The following TESMIN variants were observed in gnomAD, a reference collection of about 807,000 sequenced individuals.
TESMIN encodes CXC domain containing 2.
In TESMIN, 34 loss-of-function variants were observed where a neutral mutation model predicts 47.4. The ratio of observed to expected loss-of-function variants is 0.72; its 90% CI spans 0.55 to 0.96. TESMIN has a LOEUF of 0.96. Among genes scored for constraint, TESMIN ranks in the 40% least tolerant of loss-of-function variants. TESMIN has a pLI of 0.00. For missense variants in TESMIN, 610 were observed against 637.2 expected (o/e 0.96, Z 0.46); for synonymous variants, 278 against 258.9 (o/e 1.07, Z -0.71).
At chr11:68,737,172 G>A (rs1946397003) in intron 6 of TESMIN, 2 of 985,266 alleles carry the variant, frequency 2.0e-6, no homozygotes, top group South Asian at 4.7e-5. Context: ...GTCCAGAAAT[G>A]TTAACAGCCA....
chr11:68,726,753 A>G (rs1946268657), intron 6 of TESMIN, among the ~76,000 whole-genome samples: 1 of 151,704 alleles, frequency 6.6e-6, no homozygotes, highest in Non-Finnish European at 1.5e-5. Flanking sequence ...TGAAGAAACA[A>G]TATCACAGAC....
chr11:68,709,535 G>C (rs1389857328), intron 9 of TESMIN, among the ~76,000 whole-genome samples: 6 of 152,192 alleles, frequency 3.9e-5, no homozygotes, highest in Admixed American at 2.0e-4. Context: ...TGAGCTCAGG[G>C]GGCAACTGTG....
chr11:68,706,521 G>A (rs556961630), downstream of TESMIN, among the ~76,000 whole-genome samples: 1 of 152,348 alleles, frequency 6.6e-6, no homozygotes, highest in South Asian at 2.1e-4. Context: ...TGCCTCAGGA[G>A]AATGCTGGAG....
chr11:68,744,525 T>C (rs1490673388), intron 4 of TESMIN, among the ~76,000 whole-genome samples: 1 of 152,256 alleles, frequency 6.6e-6, no homozygotes, highest in African/African-American at 2.4e-5. Context: ...ACAAATCCTT[T>C]GTTATTTCAG....
chr11:68,708,149 G>T lies in TESMIN; in HGVS notation c.*159C>A. 1 of 667,980 alleles carries T rather than the reference G, an allele frequency of 1.5e-6. No individual in the cohort carries two copies. The highest frequency in any genetic ancestry group is 2.5e-6 in the Non-Finnish European group (1 of 395,726). 41.4% of individuals were successfully genotyped at this position (667,980 alleles called of 1,614,324 possible). A position where few individuals can be genotyped will look rare whatever the true frequency, so the allele number is the denominator to read the frequency against. On this transcript the variant is annotated 3_prime_UTR_variant, in exon 10 of 10. Coordinates refer to ENST00000255087, the MANE Select transcript of TESMIN (RefSeq NM_004923.3). ...CTCCTCAGAAAAGGGGGCATGGGTT[G>T]CCACATCTTCAGAGAGCTCTGAGTA...
chr11:68,743,622 T>G (rs991405012), intron 4 of TESMIN, among the ~76,000 whole-genome samples: 4 of 152,174 alleles, frequency 2.6e-5, no homozygotes, highest in Non-Finnish European at 5.9e-5. Flanking sequence ...TACTAAGCTA[T>G]TTAGACTAAA....
intron 2 of TESMIN, 97 bp downstream of exon 2, chr11:68,750,093 T>C (rs1946570905): frequency 9.6e-7 from 1 of 1,038,958 alleles, no homozygotes. Context: ...CCAGGGAAAA[T>C]GCTTGTAGAG....
chr11:68,746,930 C>T (rs1354041735), intron 3 of TESMIN, among the ~76,000 whole-genome samples: 1 of 152,190 alleles, frequency 6.6e-6, no homozygotes, highest in Non-Finnish European at 1.5e-5. Flanking sequence ...TCCCTGACCC[C>T]AGCACTGCAC....
chr11:68,710,727 G>T, intron 9 of TESMIN, 147 bp downstream of exon 9: 2 of 726,204 alleles, frequency 2.8e-6, no homozygotes, highest in Non-Finnish European at 2.2e-6. Flanking sequence ...TTAGCCCATG[G>T]AGGGAGGAAC....
chr11:68,713,458 C>A, intron 7 of TESMIN, 51 bp from the exon 8 acceptor site: 1 of 1,599,990 alleles, frequency 6.3e-7, no homozygotes. Flanking sequence ...ATTTAAAACT[C>A]AGCTCAATGA....
chr11:68,723,242 C>A (rs1172485006), intron 6 of TESMIN, among the ~76,000 whole-genome samples: 3 of 151,314 alleles, frequency 2.0e-5, no homozygotes, highest in African/African-American at 7.3e-5. Flanking sequence ...ACTAAAATAT[C>A]ATTTAAAAAT....
At chr11:68,732,509 C>T (rs937641369) in intron 6 of TESMIN, 1 of 153,300 alleles carries the variant, frequency 6.5e-6, no homozygotes, top group Non-Finnish European at 1.5e-5. Flanking sequence ...GAGCCCACCA[C>T]CCTGCACAGC....
intron 3 of TESMIN, among the ~76,000 whole-genome samples, chr11:68,746,445 C>T (rs1298347823): frequency 6.6e-6 from 1 of 152,244 alleles, no homozygotes; most frequent in Non-Finnish European, 1.5e-5. Context: ...CTAAACCAAA[C>T]TCATGACAGG....
At chr11:68,713,953 A>T (rs542203906) in intron 7 of TESMIN, among the ~76,000 whole-genome samples, 1 of 152,222 alleles carries the variant, frequency 6.6e-6, no homozygotes. Context: ...ATCCTGATTC[A>T]AAGTCCCTGT....
rs201155305 is a variant in TESMIN, at chr11:68,737,749, TAAA to T, written c.917+948_917+950del. 7.5e-4 allele frequency: 656 copies of T among 875,930 alleles called. 6 individuals are homozygous for T. The African/African-American group carries it at 0.011, about 15-fold the overall frequency. 54.3% of individuals were successfully genotyped at this position (875,930 alleles called of 1,614,324 possible). A position where few individuals can be genotyped will look rare whatever the true frequency, so the allele number is the denominator to read the frequency against. On this transcript the variant is annotated intron_variant, in intron 6 of 9. Transcript: ENST00000255087. ...CAACATGGTAAAACCCAGTCTCTACTAAAAAATACAAAAATTAGCCTGGTATAG... is the reference window on the plus strand; with the variant it reads ...CAACATGGTAAAACCCAGTCTCTACTAAATACAAAAATTAGCCTGGTATAG...
At chr11:68,714,594 G>A (rs1342972146) in intron 7 of TESMIN, among the ~76,000 whole-genome samples, 2 of 152,194 alleles carry the variant, frequency 1.3e-5, no homozygotes, top group African/African-American at 2.4e-5. Context: ...TAGGAGGTCC[G>A]TCCGCACTGC....
chr11:68,747,735 A>G (rs749089121), intron 2 of TESMIN, among the ~76,000 whole-genome samples: 1 of 152,200 alleles, frequency 6.6e-6, no homozygotes, highest in Non-Finnish European at 1.5e-5. Flanking sequence ...AAGATTTGTA[A>G]TTAGGTAGTA....
chr11:68,725,026 A>C (rs990974495), intron 6 of TESMIN, among the ~76,000 whole-genome samples: 1 of 152,208 alleles, frequency 6.6e-6, no homozygotes, highest in African/African-American at 2.4e-5. Context: ...AAGATGGGGA[A>C]GGTATCACGG....
chr11:68,730,306 G>A (rs1020137417), intron 6 of TESMIN, among the ~76,000 whole-genome samples: 1 of 152,096 alleles, frequency 6.6e-6, no homozygotes, highest in Non-Finnish European at 1.5e-5. Context: ...TACCTCCAAC[G>A]CAAGCCTGTA....
Sources: allele counts gnomAD v4.1 joint callset (sites outside exome capture counted in the v4.1 genomes callset), GRCh38; gene constraint gnomAD v4.1.1; transcripts MANE v1.5; gene names NCBI Gene and HGNC (gene_info 2026-07-23, HGNC 2026-07-21).